TDRD9: variants seen among roughly 807,000 people sequenced by gnomAD.
The protein encoded by TDRD9 is tudor domain containing 9.
TDRD9 carries 124 observed loss-of-function variants against 172.6 expected under a neutral mutation model. The ratio of observed to expected loss-of-function variants is 0.72; its 90% confidence interval spans 0.62 to 0.83. TDRD9 has a LOEUF of 0.83. Among genes scored for constraint, TDRD9 ranks in the 40% least tolerant of loss-of-function variants. TDRD9 has a pLI of 0.00. For missense variants in TDRD9, 1,479 were observed against 1,714.1 expected (o/e 0.86, Z 2.42); for synonymous variants, 619 against 617.1 (o/e 1.00, Z -0.05).
At chr14:103,979,406 C>T (rs1047525907) in intron 7 of TDRD9, among the ~76,000 whole-genome samples, 6 of 152,204 alleles carry the variant, frequency 3.9e-5, no homozygotes, top group Non-Finnish European at 5.9e-5. Context: ...CACAGTTCTG[C>T]AGGCTATACA....
intron 34 of TDRD9, among the ~76,000 whole-genome samples, chr14:104,048,025 G>T (rs770410894): frequency 6.6e-6 from 1 of 152,122 alleles, no homozygotes; most frequent in Non-Finnish European, 1.5e-5. Flanking sequence ...CTGTGTGTGG[G>T]CCACACATTC....
At chr14:103,962,892 C>T (rs905883932) in intron 2 of TDRD9, among the ~76,000 whole-genome samples, 187 bp from the exon 3 acceptor site, 6 of 151,838 alleles carry the variant, frequency 4.0e-5, no homozygotes, top group African/African-American at 1.5e-4. Flanking sequence ...TGATGGATAC[C>T]TATGTTCGTT....
chr14:103,960,196 T>C (rs1411406577), intron 2 of TDRD9, among the ~76,000 whole-genome samples: 1 of 152,250 alleles, frequency 6.6e-6, no homozygotes, highest in African/African-American at 2.4e-5. Context: ...TTATTTTCTG[T>C]AATATATAGT....
intron 9 of TDRD9, among the ~76,000 whole-genome samples, chr14:103,992,797 C>T (rs1333871904): frequency 1.3e-5 from 2 of 151,712 alleles, no homozygotes; most frequent in African/African-American, 4.8e-5. Context: ...TGGTGGCGGG[C>T]ACCTGTGGTC....
intron 1 of TDRD9, among the ~76,000 whole-genome samples, chr14:103,936,818 A>G (rs10220464): frequency 0.34 from 51,861 of 152,154 alleles, 9,013 homozygotes; most frequent in Middle Eastern, 0.37. Context: ...ATGGCCTGGC[A>G]TAGTGGCTCA....
At chr14:104,039,892 G>T (rs1159311800) in intron 32 of TDRD9, among the ~76,000 whole-genome samples, 3 of 148,560 alleles carry the variant, frequency 2.0e-5, no homozygotes, top group African/African-American at 7.4e-5. Flanking sequence ...GAAGGCAAGG[G>T]AAAAAAAAAC....
At chr14:104,035,357 T>C (rs573994330) in intron 32 of TDRD9, among the ~76,000 whole-genome samples, 25 of 152,330 alleles carry the variant, frequency 1.6e-4, no homozygotes, top group African/African-American at 5.1e-4. Flanking sequence ...GTCATGGTGA[T>C]GGACATCCCA....
intron 2 of TDRD9, among the ~76,000 whole-genome samples, chr14:103,958,560 T>C (rs2152136353): frequency 6.6e-6 from 1 of 152,286 alleles, no homozygotes; most frequent in Non-Finnish European, 1.5e-5. Context: ...GGGCCTAATG[T>C]CATCACAGGG....
intron 4 of TDRD9, among the ~76,000 whole-genome samples, chr14:103,966,347 T>G (rs2152145221): frequency 6.6e-6 from 1 of 152,332 alleles, no homozygotes; most frequent in East Asian, 1.9e-4. Flanking sequence ...AAAAAAAGAA[T>G]TTCTTGAAAA....
intron 14 of TDRD9, 92 bp from the exon 15 acceptor site, chr14:104,005,177 TCTCTC>T: frequency 7.7e-7 from 1 of 1,297,612 alleles, no homozygotes; most frequent in Non-Finnish European, 1.1e-6. Flanking sequence ...CTCCTCTCCT[TCTCTC>T]CTCCTCTTTC....
At chr14:104,036,889 C>T (rs915563376) in intron 32 of TDRD9, among the ~76,000 whole-genome samples, 11 of 152,164 alleles carry the variant, frequency 7.2e-5, no homozygotes, top group South Asian at 6.2e-4. Context: ...AGGTGATTAT[C>T]GGAAAGGTAG....
At chr14:104,029,102 T>G (rs1410786053) in intron 28 of TDRD9, among the ~76,000 whole-genome samples, 1 of 152,150 alleles carries the variant, frequency 6.6e-6, no homozygotes, top group African/African-American at 2.4e-5. Flanking sequence ...AGTGTATTTC[T>G]AAGTCAGGTA....
intron 6 of TDRD9, among the ~76,000 whole-genome samples, chr14:103,972,196 A>G (rs1477775674): frequency 6.6e-6 from 1 of 151,906 alleles, no homozygotes; most frequent in Non-Finnish European, 1.5e-5. Flanking sequence ...AATCCCAGCT[A>G]CTTGGGAGGC....
intron 22 of TDRD9, among the ~76,000 whole-genome samples, chr14:104,017,691 T>C (rs2034834751): frequency 6.6e-6 from 1 of 152,134 alleles, no homozygotes; most frequent in African/African-American, 2.4e-5. Context: ...TCCACTGTGG[T>C]GATGAGGAAA....
At chr14:104,032,841 A>T (rs2035327825) in intron 30 of TDRD9, among the ~76,000 whole-genome samples, 1 of 152,182 alleles carries the variant, frequency 6.6e-6, no homozygotes. Context: ...GGCACAGAAC[A>T]TCATGAAAGC....
chr14:103,935,644 A>G (rs1421769901), intron 1 of TDRD9, among the ~76,000 whole-genome samples: 1 of 152,190 alleles, frequency 6.6e-6, no homozygotes, highest in Non-Finnish European at 1.5e-5. Context: ...ACTAGGATGT[A>G]TCCTAGTGAG....
chr14:104,028,871 G>C (rs901784905), intron 28 of TDRD9, among the ~76,000 whole-genome samples: 1 of 152,120 alleles, frequency 6.6e-6, no homozygotes, highest in Non-Finnish European at 1.5e-5. Flanking sequence ...TCAAGAGATA[G>C]GGGTTTAGTG....
chr14:104,025,498 A>G (rs1596001735), intron 25 of TDRD9, 66 bp from the exon 26 acceptor site: 3 of 1,275,476 alleles, frequency 2.4e-6, no homozygotes, highest in East Asian at 2.4e-5. Context: ...CTATGATTCA[A>G]GCTCATTTTC....
At chr14:104,027,292 C>T (rs11626960) in intron 28 of TDRD9, among the ~76,000 whole-genome samples, 78,035 of 151,920 alleles carry the variant, frequency 0.51, 21,393 homozygotes, top group South Asian at 0.63. Context: ...TTAAGGGATC[C>T]TCCTGCCTCA....
Sources: gnomAD v4.1 joint callset for allele counts (sites outside exome capture counted in the v4.1 genomes callset) on GRCh38, gnomAD v4.1.1 for gene constraint, MANE v1.5 for transcripts, NCBI Gene and HGNC (gene_info 2026-07-23, HGNC 2026-07-21) for gene names.